The following SPOCK1 variants were observed in gnomAD, a reference collection of about 807,000 sequenced individuals.
The protein encoded by SPOCK1 is SPARC (osteonectin), cwcv and kazal like domains proteoglycan 1.
In SPOCK1, 23 loss-of-function variants were observed where a neutral mutation model predicts 55.3. The ratio of observed to expected loss-of-function variants is 0.42; its 90% confidence interval spans 0.30 to 0.59. The LOEUF is 0.59. Ranked by LOEUF, SPOCK1 falls within the 20% of genes least tolerant of loss-of-function variation. The probability of loss-of-function intolerance (pLI) is 0.22; values close to 1 mark genes in which losing one functional copy is unlikely to be tolerated. For synonymous variants in SPOCK1, 226 were observed against 221.0 expected (o/e 1.02, Z -0.20); for missense variants, 499 against 552.5 (o/e 0.90, Z 0.97).
intron 5 of SPOCK1, among the ~76,000 whole-genome samples, chr5:137,080,086 G>C (rs1033284530): frequency 2.6e-5 from 4 of 152,046 alleles, no homozygotes; most frequent in Non-Finnish European, 5.9e-5. Flanking sequence ...ATGTATACAA[G>C]GTTTAATATA....
chr5:137,420,583 G>A (rs149737733), intron 2 of SPOCK1, among the ~76,000 whole-genome samples: 7,411 of 152,218 alleles, frequency 0.049, 271 homozygotes, highest in African/African-American at 0.097. Context: ...GTTTATTTGC[G>A]TAGAGGTGTT....
At chr5:137,119,738 A>C (rs1172332963) in intron 4 of SPOCK1, among the ~76,000 whole-genome samples, 1 of 152,252 alleles carries the variant, frequency 6.6e-6, no homozygotes, top group Non-Finnish European at 1.5e-5. Flanking sequence ...CTGAAATTTA[A>C]AAGGACAAAT....
intron 6 of SPOCK1, among the ~76,000 whole-genome samples, chr5:137,037,073 C>A (rs1751899464): frequency 6.6e-6 from 1 of 151,942 alleles, no homozygotes; most frequent in African/African-American, 2.4e-5. Flanking sequence ...TTCTATGAGA[C>A]AATGAAAAAT....
intron 2 of SPOCK1, among the ~76,000 whole-genome samples, chr5:137,366,733 G>C (rs149330206): frequency 6.6e-6 from 1 of 152,222 alleles, no homozygotes; most frequent in Non-Finnish European, 1.5e-5. Flanking sequence ...TGATTAAGTA[G>C]GAGTTTAGTC....
At chr5:137,431,294 A>G (rs554458077) in intron 2 of SPOCK1, among the ~76,000 whole-genome samples, 8 of 152,344 alleles carry the variant, frequency 5.3e-5, no homozygotes, top group African/African-American at 1.7e-4. Flanking sequence ...GATTAAGCAC[A>G]CAGCCTTTGA....
At chr5:137,314,163 T>C (rs1191785354) in intron 2 of SPOCK1, among the ~76,000 whole-genome samples, 1 of 152,034 alleles carries the variant, frequency 6.6e-6, no homozygotes, top group African/African-American at 2.4e-5. Context: ...TGACAGTCTC[T>C]GAGGACAAGC....
chr5:137,255,987 C>T (rs549061971), intron 3 of SPOCK1, among the ~76,000 whole-genome samples: 2 of 152,352 alleles, frequency 1.3e-5, no homozygotes, highest in East Asian at 3.9e-4. Flanking sequence ...CTCTGCTAAG[C>T]GGTTCCTCCT....
intron 4 of SPOCK1, among the ~76,000 whole-genome samples, chr5:137,123,709 T>C (rs1200876387): frequency 1.3e-5 from 2 of 152,014 alleles, no homozygotes; most frequent in Non-Finnish European, 2.9e-5. Context: ...CTCAGAAAGT[T>C]GGTAGGCAGG....
intron 2 of SPOCK1, among the ~76,000 whole-genome samples, chr5:137,313,102 G>T (rs887597737): frequency 6.6e-6 from 1 of 152,174 alleles, no homozygotes; most frequent in African/African-American, 2.4e-5. Context: ...GTAACAGAGG[G>T]TGGGGTTAAG....
intron 2 of SPOCK1, among the ~76,000 whole-genome samples, chr5:137,440,311 G>C (rs1752970519): frequency 6.6e-6 from 1 of 151,960 alleles, no homozygotes; most frequent in Non-Finnish European, 1.5e-5. Flanking sequence ...AGAGAAGAAA[G>C]GAAGGAAAGA....
At chr5:137,128,917 A>G (rs1753825476) in intron 4 of SPOCK1, among the ~76,000 whole-genome samples, 1 of 152,232 alleles carries the variant, frequency 6.6e-6, no homozygotes, top group Non-Finnish European at 1.5e-5. Context: ...ACTAGTCTAC[A>G]AGCTCAATGA....
At chr5:137,131,989 A>AATATATATATATAT (rs869252723) in intron 4 of SPOCK1, among the ~76,000 whole-genome samples, 1 of 36,052 alleles carries the variant, frequency 2.8e-5, no homozygotes, top group Non-Finnish European at 4.3e-5. Flanking sequence ...AAAAAAAAAA[A>AATATATATATATAT]ATATATATAT....
At chr5:137,114,018 C>G (rs1753527044) in intron 4 of SPOCK1, among the ~76,000 whole-genome samples, 1 of 152,172 alleles carries the variant, frequency 6.6e-6, no homozygotes, top group Non-Finnish European at 1.5e-5. Flanking sequence ...CAAACCTACT[C>G]TAGCAATTTG....
At chr5:137,352,404 C>CA (rs1457490325) in intron 2 of SPOCK1, among the ~76,000 whole-genome samples, 13 of 152,264 alleles carry the variant, frequency 8.5e-5, no homozygotes, top group African/African-American at 3.1e-4. Context: ...TGCCTCACCT[C>CA]AAGGTGGTTA....
intron 2 of SPOCK1, among the ~76,000 whole-genome samples, chr5:137,335,757 C>T (rs973428990): frequency 3.3e-5 from 5 of 152,224 alleles, no homozygotes; most frequent in African/African-American, 4.8e-5. Flanking sequence ...AATTAACTTG[C>T]ATATTGCATG....
chr5:137,346,228 C>A (rs1392772891), intron 2 of SPOCK1, among the ~76,000 whole-genome samples: 1 of 152,194 alleles, frequency 6.6e-6, no homozygotes, highest in East Asian at 1.9e-4. Context: ...CCCAGGAAGA[C>A]CGGGAAGTTG....
chr5:137,181,826 T>C (rs1266389915), intron 3 of SPOCK1, among the ~76,000 whole-genome samples: 1 of 152,206 alleles, frequency 6.6e-6, no homozygotes, highest in African/African-American at 2.4e-5. Context: ...GATGCCTGCC[T>C]GGGAAATCTG....
intron 2 of SPOCK1, among the ~76,000 whole-genome samples, chr5:137,363,844 C>A (rs1323716555): frequency 1.3e-5 from 2 of 152,222 alleles, no homozygotes. Flanking sequence ...CCTGCAGAAC[C>A]AGCCTGGGCA....
At chr5:137,447,965 C>T (rs1038209208) in intron 2 of SPOCK1, among the ~76,000 whole-genome samples, 1 of 152,126 alleles carries the variant, frequency 6.6e-6, no homozygotes, top group Non-Finnish European at 1.5e-5. Context: ...AAAATAAATA[C>T]AGCCAGGCAC....
Sources: allele counts gnomAD v4.1 joint callset (sites outside exome capture counted in the v4.1 genomes callset), GRCh38; gene constraint gnomAD v4.1.1; transcripts MANE v1.5; gene names NCBI Gene and HGNC (gene_info 2026-07-23, HGNC 2026-07-21).